The following NEDD4 variants were observed in gnomAD, a reference collection of about 807,000 sequenced individuals.
NEDD4 encodes E3 ubiquitin-protein ligase NEDD4.
Under a neutral mutation model 144.9 loss-of-function variants are expected in NEDD4, and 99 were observed. That is an observed-to-expected ratio of 0.68 (90% CI 0.58 to 0.81). NEDD4 has a LOEUF of 0.81. NEDD4 is among the 30% of genes least tolerant of loss of function. The pLI is 0.00. For synonymous variants in NEDD4, 318 were observed against 350.6 expected, an observed-to-expected ratio of 0.91 and a Z score of 1.04; for missense variants, 985 against 1,065.9, an observed-to-expected ratio of 0.92 and a Z score of 1.06.
At chr15:55,906,549 C>G (rs1370543267) in intron 5 of NEDD4, among the ~76,000 whole-genome samples, 1 of 151,848 alleles carries the variant, frequency 6.6e-6, no homozygotes, top group African/African-American at 2.4e-5. Flanking sequence ...ACCAAACACC[C>G]CATGTTCTCA....
intron 1 of NEDD4, among the ~76,000 whole-genome samples, chr15:55,990,451 G>A (rs1431373400): frequency 3.3e-5 from 5 of 152,236 alleles, no homozygotes; most frequent in East Asian, 1.9e-4. Context: ...CAATCTTGAC[G>A]TCTGGAAGCC....
At chr15:55,867,947 T>C (rs2034641705) in intron 8 of NEDD4, among the ~76,000 whole-genome samples, 1 of 151,784 alleles carries the variant, frequency 6.6e-6, no homozygotes, top group South Asian at 2.1e-4. Context: ...TCTCAGCTAC[T>C]TGGGAGGCTG....
intron 5 of NEDD4, among the ~76,000 whole-genome samples, chr15:55,896,270 C>T (rs2035735940): frequency 6.6e-6 from 1 of 152,180 alleles, no homozygotes; most frequent in African/African-American, 2.4e-5. Context: ...CAACCTCCAC[C>T]TCCTGGGTTC....
intron 24 of NEDD4, 102 bp from the exon 25 acceptor site, chr15:55,834,388 T>C: frequency 1.5e-6 from 1 of 685,268 alleles, no homozygotes. Context: ...TCCACACAAG[T>C]TTCTACCACT....
intron 1 of NEDD4, among the ~76,000 whole-genome samples, chr15:55,979,935 G>A (rs2037771330): frequency 6.6e-6 from 1 of 150,394 alleles, no homozygotes; most frequent in African/African-American, 2.4e-5. Context: ...TTTTGAGATG[G>A]AGTCTCGCTT....
At chr15:55,977,988 C>T (rs898872980) in intron 1 of NEDD4, among the ~76,000 whole-genome samples, 2 of 152,090 alleles carry the variant, frequency 1.3e-5, no homozygotes, top group East Asian at 3.8e-4. Context: ...AAAGTGACAA[C>T]AGCAAATAAT....
chr15:55,932,970 C>G (rs762060364), intron 4 of NEDD4, among the ~76,000 whole-genome samples: 1 of 152,148 alleles, frequency 6.6e-6, no homozygotes, highest in Non-Finnish European at 1.5e-5. Context: ...CAAATCAAAA[C>G]GACAATGAGA....
intron 4 of NEDD4, among the ~76,000 whole-genome samples, chr15:55,947,284 GAGA>G (rs1408332914): frequency 6.6e-6 from 1 of 152,004 alleles, no homozygotes; most frequent in African/African-American, 2.4e-5. Context: ...GAAGAAAAGA[GAGA>G]AGAATCAAAT....
At chr15:55,855,321 C>G (rs2034147276) in intron 12 of NEDD4, among the ~76,000 whole-genome samples, 2 of 152,090 alleles carry the variant, frequency 1.3e-5, no homozygotes. Flanking sequence ...AATGAGAAAG[C>G]CATTCCAAGT....
At chr15:55,961,601 G>A (rs2037427799) in intron 2 of NEDD4, among the ~76,000 whole-genome samples, 1 of 152,090 alleles carries the variant, frequency 6.6e-6, no homozygotes, top group African/African-American at 2.4e-5. Context: ...CTCCCGAGCA[G>A]CTGGGACTAC....
chr15:55,901,356 T>C (rs1467122982), intron 5 of NEDD4, among the ~76,000 whole-genome samples: 1 of 152,182 alleles, frequency 6.6e-6, no homozygotes, highest in Non-Finnish European at 1.5e-5. Context: ...CTACCAATTA[T>C]TGGATATTCA....
At chr15:55,990,079 C>T (rs1045992526) in intron 1 of NEDD4, among the ~76,000 whole-genome samples, 6 of 151,588 alleles carry the variant, frequency 4.0e-5, no homozygotes, top group African/African-American at 1.2e-4. Flanking sequence ...CTCCCATTAC[C>T]GTCACCCACA....
At chr15:55,856,092 T>G in intron 12 of NEDD4, 39 bp downstream of exon 12, 1 of 1,554,848 alleles carries the variant, frequency 6.4e-7, no homozygotes, top group Non-Finnish European at 8.9e-7. Flanking sequence ...ATGCTGAGTT[T>G]TATATTTTTA....
At chr15:55,857,645 A>G (rs751380022) in intron 11 of NEDD4, among the ~76,000 whole-genome samples, 1 of 152,208 alleles carries the variant, frequency 6.6e-6, no homozygotes, top group Non-Finnish European at 1.5e-5. Flanking sequence ...TTATATACCT[A>G]AATACAATCT....
At chr15:55,910,872 T>C (rs1427026152) in intron 5 of NEDD4, among the ~76,000 whole-genome samples, 1 of 152,080 alleles carries the variant, frequency 6.6e-6, no homozygotes, top group Non-Finnish European at 1.5e-5. Context: ...CCATGAAAAA[T>C]TGTCTTCTAA....
chr15:55,986,285 T>C (rs1177870599), intron 1 of NEDD4, among the ~76,000 whole-genome samples: 1 of 152,186 alleles, frequency 6.6e-6, no homozygotes, highest in Non-Finnish European at 1.5e-5. Flanking sequence ...AATAGGATAT[T>C]GGCATAATCT....
At chr15:55,968,358 A>T (rs1173452508) in intron 1 of NEDD4, among the ~76,000 whole-genome samples, 2 of 152,194 alleles carry the variant, frequency 1.3e-5, no homozygotes, top group African/African-American at 4.8e-5. Flanking sequence ...TAAAAAATAC[A>T]ATCTTAATAG....
chr15:55,954,133 G>C (rs897720295), intron 2 of NEDD4, among the ~76,000 whole-genome samples: 1 of 152,128 alleles, frequency 6.6e-6, no homozygotes, highest in Non-Finnish European at 1.5e-5. Flanking sequence ...TCTTGTTAAA[G>C]TAATCAACAT....
At chr15:55,992,879 T>C (rs2038010149) in intron 1 of NEDD4, among the ~76,000 whole-genome samples, 1 of 152,212 alleles carries the variant, frequency 6.6e-6, no homozygotes, top group Non-Finnish European at 1.5e-5. Context: ...CTTTTTAACA[T>C]CAACGACGAC....
Sources: gnomAD v4.1 joint callset for allele counts (sites outside exome capture counted in the v4.1 genomes callset) on GRCh38, gnomAD v4.1.1 for gene constraint, MANE v1.5 for transcripts, NCBI Gene and HGNC (gene_info 2026-07-23, HGNC 2026-07-21) for gene names.